KCNQ5: variants seen among roughly 807,000 people sequenced by gnomAD.
KCNQ5 encodes the protein potassium voltage-gated channel subfamily KQT member 5.
A neutral mutation model predicts 98.2 loss-of-function variants in KCNQ5; 30 were observed. The ratio of observed to expected loss-of-function variants is 0.31; its 90% CI spans 0.23 to 0.41. The LOEUF is 0.41. Among genes scored for constraint, KCNQ5 ranks in the 10% least tolerant of loss-of-function variants. The pLI, the probability that KCNQ5 is intolerant of heterozygous loss-of-function variation, is 1.00. For missense variants in KCNQ5, 835 were observed against 1,182.5 expected, an observed-to-expected ratio of 0.71 and a Z score of 4.31; for synonymous variants, 458 against 449.4, an observed-to-expected ratio of 1.02 and a Z score of -0.24.
At chr6:72,838,931 C>CA (rs1401738544) in intron 1 of KCNQ5, among the ~76,000 whole-genome samples, 2 of 108,288 alleles carry the variant, frequency 1.8e-5, no homozygotes, top group Admixed American at 2.8e-4. Flanking sequence ...GCCTGGGCGA[C>CA]AGAGCGAGAC....
At chr6:72,782,265 T>C (rs1211897841) in intron 1 of KCNQ5, among the ~76,000 whole-genome samples, 2 of 151,724 alleles carry the variant, frequency 1.3e-5, no homozygotes, top group East Asian at 1.9e-4. Flanking sequence ...TCTCTCTCTC[T>C]CCCACAAGAG....
intron 1 of KCNQ5, among the ~76,000 whole-genome samples, chr6:72,690,715 G>GA (rs775810471): frequency 0.081 from 8,858 of 109,214 alleles, 654 homozygotes; most frequent in African/African-American, 0.23. Context: ...CTGTTACCAA[G>GA]AAAAAAAAAA....
At chr6:72,844,438 A>G (rs1207035456) in intron 1 of KCNQ5, among the ~76,000 whole-genome samples, 2 of 152,232 alleles carry the variant, frequency 1.3e-5, no homozygotes, top group East Asian at 3.8e-4. Context: ...CTCTAGATCC[A>G]TTCTATAATG....
intron 1 of KCNQ5, among the ~76,000 whole-genome samples, chr6:72,831,981 G>A (rs1582377653): frequency 6.6e-6 from 1 of 152,072 alleles, no homozygotes; most frequent in Admixed American, 6.6e-5. Flanking sequence ...CTAGATGTCT[G>A]GTAGAATAGT....
At chr6:73,193,046 A>G (rs1486831981) in intron 13 of KCNQ5, among the ~76,000 whole-genome samples, 2 of 134,178 alleles carry the variant, frequency 1.5e-5, no homozygotes, top group African/African-American at 5.7e-5. Flanking sequence ...TTTGAGACAG[A>G]GTCTCACTCT....
intron 9 of KCNQ5, 42 bp downstream of exon 9, chr6:73,124,554 G>A: frequency 6.3e-7 from 1 of 1,577,218 alleles, no homozygotes; most frequent in Non-Finnish European, 8.7e-7. Context: ...TTATAAATCT[G>A]ATACCTACCA....
intron 1 of KCNQ5, among the ~76,000 whole-genome samples, chr6:72,751,301 T>C (rs142132452): frequency 6.9e-5 from 10 of 144,758 alleles, no homozygotes; most frequent in African/African-American, 2.8e-4. Flanking sequence ...TCTGTGTGAT[T>C]TGGACTCAAA....
intron 1 of KCNQ5, among the ~76,000 whole-genome samples, chr6:72,880,225 C>T (rs886326386): frequency 1.3e-5 from 2 of 152,182 alleles, no homozygotes; most frequent in African/African-American, 4.8e-5. Flanking sequence ...GGCTTATAAA[C>T]AACAGAAATT....
intron 10 of KCNQ5, among the ~76,000 whole-genome samples, chr6:73,161,686 A>G (rs899825518): frequency 6.6e-6 from 1 of 152,238 alleles, no homozygotes; most frequent in Non-Finnish European, 1.5e-5. Context: ...AAAAAGAACT[A>G]GAAACTACCT....
chr6:73,003,966 A>G lies in KCNQ5; in HGVS notation c.457A>G (p.Thr153Ala). 6.2e-7 allele frequency: 1 copy of G among 1,613,176 alleles called. No homozygotes were observed. Among genetic ancestry groups the G allele is most frequent in the Non-Finnish European group, 8.5e-7 (1 of 1,179,302 alleles). ...LSVFSTIPEH[T>A]KLASSCLLIL... ...AGTGTTTTCTACCATCCCTGAGCAC[A>G]CAAAATTGGCCTCAAGTTGCCTCTT... Residue 153 changes from threonine (T) to alanine (A), a missense_variant, in exon 2 of 14, where the codon ACA becomes GCA. Coordinates refer to ENST00000370398, the MANE Select transcript of KCNQ5 (RefSeq NM_019842.4).
At chr6:73,185,320 C>T (rs1267208861) in intron 11 of KCNQ5, among the ~76,000 whole-genome samples, 3 of 152,038 alleles carry the variant, frequency 2.0e-5, no homozygotes, top group Non-Finnish European at 2.9e-5. Flanking sequence ...TAGCTGGGAG[C>T]ATAGGCATGT....
At chr6:72,853,378 C>G (rs1777373853) in intron 1 of KCNQ5, among the ~76,000 whole-genome samples, 1 of 152,120 alleles carries the variant, frequency 6.6e-6, no homozygotes. Context: ...GTATCTCCTT[C>G]TGTTGCCCAG....
At chr6:72,983,963 C>T (rs745425226) in intron 1 of KCNQ5, among the ~76,000 whole-genome samples, 2 of 152,026 alleles carry the variant, frequency 1.3e-5, no homozygotes, top group East Asian at 1.9e-4. Flanking sequence ...AGTTTGCTGG[C>T]GGTCCACTCC....
intron 5 of KCNQ5, among the ~76,000 whole-genome samples, chr6:73,096,742 A>G (rs1392903012): frequency 6.6e-6 from 1 of 152,232 alleles, no homozygotes; most frequent in African/African-American, 2.4e-5. Flanking sequence ...CTTCAAATAC[A>G]TATCAATTTT....
intron 1 of KCNQ5, among the ~76,000 whole-genome samples, chr6:72,922,753 G>T (rs1200845806): frequency 9.3e-5 from 14 of 149,838 alleles, no homozygotes; most frequent in South Asian, 4.3e-4. Context: ...CTTTTTTAAG[G>T]CTTAATAATA....
At chr6:72,991,004 A>G in intron 1 of KCNQ5, among the ~76,000 whole-genome samples, 1 of 14,912 alleles carries the variant, frequency 6.7e-5, no homozygotes, top group Non-Finnish European at 1.2e-4. Flanking sequence ...CCCAGGGATG[A>G]AGCCCACTTG....
At chr6:72,880,497 A>C (rs1392896383) in intron 1 of KCNQ5, among the ~76,000 whole-genome samples, 1 of 152,142 alleles carries the variant, frequency 6.6e-6, no homozygotes, top group Non-Finnish European at 1.5e-5. Flanking sequence ...TTGACATACG[A>C]ATTTGAAGGG....
At chr6:72,986,844 C>A in intron 1 of KCNQ5, 2 of 1,025,044 alleles carry the variant, frequency 2.0e-6, no homozygotes, top group Non-Finnish European at 3.1e-6. Flanking sequence ...GACCCCACAG[C>A]CCTCTCAGTC....
rs1264973984 is a variant in KCNQ5 at position 73,036,028 on chromosome 6, TG to T, written c.490-5907del. On this transcript the variant is annotated intron_variant, in intron 2 of 13. Transcript: ENST00000370398. The stretch of plus-strand genomic sequence containing the variant: ...GTGTGTGTGTGTGTGTGTGTGTGTG[TG>T]TATTGGCTCTGTACAGTTTTATCAC... Among the ~76,000 whole-genome samples, 398 of 144,350 alleles carry T rather than the reference TG, an allele frequency of 2.8e-3. 2 individuals carry two copies. The highest frequency in any genetic ancestry group is 4.7e-3 in the Non-Finnish European group (304 of 64,704). 94.7% of individuals were successfully genotyped at this position (144,350 alleles called of 152,430 possible).
Sources: gnomAD v4.1 joint callset for allele counts (sites outside exome capture counted in the v4.1 genomes callset) on GRCh38, gnomAD v4.1.1 for gene constraint, MANE v1.5 for transcripts, NCBI Gene and HGNC (gene_info 2026-07-23, HGNC 2026-07-21) for gene names.